RHOBTB3: variants seen among roughly 807,000 people sequenced by gnomAD.
RHOBTB3 encodes the protein Rho related BTB domain containing 3.
Under a neutral mutation model 67.2 loss-of-function variants are expected in RHOBTB3, and 47 were observed. The ratio of observed to expected loss-of-function variants is 0.70; its 90% CI spans 0.55 to 0.89. The LOEUF (loss-of-function observed/expected upper bound fraction) is 0.89, where lower values mean the gene tolerates loss of function less well. Ranked by LOEUF, RHOBTB3 falls within the 40% of genes least tolerant of loss-of-function variation. The pLI is 0.00. For synonymous variants in RHOBTB3, 273 were observed against 274.2 expected, an observed-to-expected ratio of 1.00 and a Z score of 0.04; for missense variants, 631 against 750.0, an observed-to-expected ratio of 0.84 and a Z score of 1.85.
At chr5:95,760,154 A>G (rs963561604) in intron 6 of RHOBTB3, among the ~76,000 whole-genome samples, 3 of 152,176 alleles carry the variant, frequency 2.0e-5, no homozygotes, top group Non-Finnish European at 4.4e-5. Context: ...TTCAGTAGAC[A>G]CAGTCAAGGT....
chr5:95,794,880 A>G lies in RHOBTB3; in HGVS notation c.*1706A>G, dbSNP rs989646069. On this transcript the variant is annotated 3_prime_UTR_variant, in exon 12 of 12. Coordinates refer to ENST00000379982, the MANE Select transcript of RHOBTB3 (RefSeq NM_014899.4). ...CATTTTGGGAGGCTGAGGCAAGTGG[A>G]TAACTTGAGGTCATGAGTTCGAAAC... 9.8e-5 allele frequency: 15 copies of G among 152,314 alleles called. No homozygotes were observed. Among genetic ancestry groups the G allele is most frequent in the African/African-American group, 3.4e-4 (14 of 41,552 alleles). 9.4% of individuals were successfully genotyped at this position (152,314 alleles called of 1,614,324 possible).
At chr5:95,775,565 C>G (rs913720414) in intron 8 of RHOBTB3, among the ~76,000 whole-genome samples, 12 of 151,836 alleles carry the variant, frequency 7.9e-5, no homozygotes, top group Non-Finnish European at 2.9e-5. Flanking sequence ...GCTACTCAAC[C>G]TGTGCCAGGC....
chr5:95,760,006 C>CT (rs1323503004), intron 6 of RHOBTB3, among the ~76,000 whole-genome samples: 1 of 151,414 alleles, frequency 6.6e-6, no homozygotes, highest in African/African-American at 2.4e-5. Context: ...AAATAACATG[C>CT]TTTTTTTAAC....
chr5:95,767,623 A>G, intron 7 of RHOBTB3: 1 of 537,988 alleles, frequency 1.9e-6, no homozygotes, highest in Non-Finnish European at 3.3e-6. Context: ...GAGCCACTGC[A>G]CCTGGCCAAA....
At chr5:95,776,027 T>C (rs888444817) in intron 8 of RHOBTB3, among the ~76,000 whole-genome samples, 13 of 152,128 alleles carry the variant, frequency 8.5e-5, no homozygotes, top group African/African-American at 3.1e-4. Context: ...ATAATTCACA[T>C]TGGAATGTAA....
intron 1 of RHOBTB3, among the ~76,000 whole-genome samples, chr5:95,721,480 C>T (rs1054643379): frequency 3.3e-5 from 5 of 152,012 alleles, no homozygotes; most frequent in African/African-American, 1.2e-4. Context: ...CAGTTACTGA[C>T]TGGGCAGGGG....
At chr5:95,774,153 A>AT (rs531662751) in intron 8 of RHOBTB3, among the ~76,000 whole-genome samples, 17 of 152,132 alleles carry the variant, frequency 1.1e-4, no homozygotes, top group East Asian at 3.9e-4. Flanking sequence ...TATTATGAAC[A>AT]TTTTTTTTAG....
Position 95,748,258 on chromosome 5 carries a change from A to G in RHOBTB3, c.416-75A>G, listed in dbSNP as rs982858449. On this transcript the variant is annotated intron_variant, in intron 3 of 11. Coordinates refer to ENST00000379982, the MANE Select transcript of RHOBTB3 (RefSeq NM_014899.4). The stretch of plus-strand genomic sequence containing the variant: ...TCTAGTATGAGCTCTTTGTTGTTTA[A>G]TGTTCAGATTGTCTGTGTACCTTTT... 2.7e-6 allele frequency: 3 copies of G among 1,099,886 alleles called. No homozygotes were observed. In the African/African-American group the frequency reaches 4.7e-5, roughly 17 times the overall value. 68.1% of individuals were successfully genotyped at this position (1,099,886 alleles called of 1,614,324 possible). A position where few individuals can be genotyped will look rare whatever the true frequency, so the allele number is the denominator to read the frequency against.
rs952899919 is a variant in RHOBTB3, at chr5:95,731,844, C to G, written c.3-15C>G. The G allele has an allele frequency of 3.1e-6, 5 of 1,608,346 alleles. No homozygotes were observed. The Admixed American group carries it at 6.7e-5, about 22-fold the overall frequency. The stretch of plus-strand genomic sequence containing the variant: ...CCGTGCTTCCCTTCTCCCCTCGCCC[C>G]CTCTGTCCGTGCAGGTCCATCCACA... On this transcript the variant is annotated splice_polypyrimidine_tract_variant and intron_variant, in intron 1 of 11. Coordinates refer to ENST00000379982, the MANE Select transcript of RHOBTB3 (RefSeq NM_014899.4).
intron 8 of RHOBTB3, chr5:95,770,475 G>C (rs1745676256): frequency 3.3e-6 from 1 of 304,556 alleles, no homozygotes; most frequent in South Asian, 4.0e-5. Context: ...ATCTTTGGTA[G>C]TTACAACAAT....
chr5:95,727,053 T>A (rs1755075960), upstream of RHOBTB3, among the ~76,000 whole-genome samples: 1 of 152,214 alleles, frequency 6.6e-6, no homozygotes, highest in Non-Finnish European at 1.5e-5. Flanking sequence ...CCTTGAAGAC[T>A]CTGGCTCTAG....
At chr5:95,737,773 G>A (rs949721141) in intron 3 of RHOBTB3, among the ~76,000 whole-genome samples, 22 of 152,214 alleles carry the variant, frequency 1.4e-4, no homozygotes, top group African/African-American at 5.1e-4. Flanking sequence ...ATCTTAGAGT[G>A]CAGCTAAATG....
chr5:95,768,222 CT>C, intron 8 of RHOBTB3, 56 bp downstream of exon 8: 3 of 1,529,156 alleles, frequency 2.0e-6, no homozygotes, highest in Non-Finnish European at 1.8e-6. Context: ...GTTTTCTTTC[CT>C]TGCTTTCTAC....
At chr5:95,761,339 CTTTTTTTTTTT>C (rs766063568) in intron 6 of RHOBTB3, among the ~76,000 whole-genome samples, 1 of 125,812 alleles carries the variant, frequency 7.9e-6, no homozygotes, top group African/African-American at 3.1e-5. Flanking sequence ...CCTTTTTCCT[CTTTTTTTTTTT>C]TTTTTTTTTT....
chr5:95,732,022 A>C lies in RHOBTB3; in HGVS notation c.166A>C (p.Thr56Pro). 6.2e-7 allele frequency: 1 copy of C among 1,614,172 alleles called. No individual in the cohort carries two copies. Among genetic ancestry groups the C allele is most frequent in the Admixed American group, 1.7e-5 (1 of 60,026 alleles). ...CAGCACGGTCGCGCGTCCGGTGTTC[A>C]CCGAGTATCAGGCCAGTGCGTTTGG... ...AASTVARPVFTEYQASAFGNV... is the reference protein window; with the variant it reads ...AASTVARPVFPEYQASAFGNV... Residue 56 changes from threonine to proline, a missense_variant, in exon 2 of 12, where the codon ACC (threonine) becomes CCC (proline). Thr to Pro is a conservative substitution (Grantham distance 38). Coordinates refer to ENST00000379982, the MANE Select transcript of RHOBTB3 (RefSeq NM_014899.4).
chr5:95,752,389 T>C, intron 5 of RHOBTB3, 39 bp downstream of exon 5: 1 of 1,264,740 alleles, frequency 7.9e-7, no homozygotes, highest in Non-Finnish European at 1.1e-6. Flanking sequence ...TCATTAAACA[T>C]TCATTACAGA....
At position 95,744,233 on chromosome 5, in the gene RHOBTB3, T is replaced by C. The variant is rs149200999; in HGVS notation, c.416-4100T>C. Among the ~76,000 whole-genome samples, 294 of 152,276 alleles carry C rather than the reference T, an allele frequency of 1.9e-3. 1 individual carries two copies. The highest frequency in any genetic ancestry group is 6.7e-3 in the African/African-American group (280 of 41,558). ...CAGTCCCCTGTACATGCTGTATTCT[T>C]AACTGTAGTGCCCCTCTACACAGCC... is the stretch of plus-strand genomic sequence containing the variant. On this transcript the variant is annotated intron_variant, in intron 3 of 11. Transcript: ENST00000379982.
chr5:95,772,060 T>A (rs1745730720), intron 8 of RHOBTB3, among the ~76,000 whole-genome samples: 1 of 152,246 alleles, frequency 6.6e-6, no homozygotes, highest in African/African-American at 2.4e-5. Flanking sequence ...TCCAGATGAC[T>A]TCCTGGCACT....
chr5:95,725,656 T>G (rs1755032346), intron 1 of RHOBTB3, among the ~76,000 whole-genome samples: 1 of 152,372 alleles, frequency 6.6e-6, no homozygotes. Flanking sequence ...TGCTATAAAA[T>G]TCTTGTTTCC....
Sources: gnomAD v4.1 joint callset for allele counts (sites outside exome capture counted in the v4.1 genomes callset) on GRCh38, gnomAD v4.1.1 for gene constraint, MANE v1.5 for transcripts, NCBI Gene and HGNC (gene_info 2026-07-23, HGNC 2026-07-21) for gene names.